The following XIRP2 variants were observed in gnomAD, a reference collection of about 807,000 sequenced individuals.
XIRP2 encodes xin actin binding repeat containing 2, also known as xin actin-binding repeat-containing protein 2.
XIRP2 carries 236 observed loss-of-function variants against 277.0 expected under a neutral mutation model. The observed-to-expected ratio is 0.85, with a 90% CI of 0.77 to 0.95. The LOEUF is 0.95. Among genes scored for constraint, XIRP2 ranks in the 40% least tolerant of loss-of-function variants. The pLI is 0.00. For missense variants in XIRP2, 4,640 were observed against 4,157.5 expected, an observed-to-expected ratio of 1.12 and a Z score of -3.19; for synonymous variants, 1,490 against 1,416.5, an observed-to-expected ratio of 1.05 and a Z score of -1.17.
intron 2 of XIRP2, among the ~76,000 whole-genome samples, chr2:166,966,077 C>T (rs1182728840): frequency 6.6e-6 from 1 of 151,720 alleles, no homozygotes; most frequent in Admixed American, 6.6e-5. Context: ...AATAAAATCC[C>T]ATATTTTCTT....
At chr2:167,254,316 G>GAAACACTATGGA in intron 10 of XIRP2, 151 bp downstream of exon 10, 1 of 1,011,372 alleles carries the variant, frequency 9.9e-7, no homozygotes, top group Non-Finnish European at 1.3e-6. Context: ...GTTCTGTGAT[G>GAAACACTATGGA]TATTTCTGCG....
At chr2:167,127,354 G>A (rs1162532084) in intron 2 of XIRP2, among the ~76,000 whole-genome samples, 1 of 152,146 alleles carries the variant, frequency 6.6e-6, no homozygotes, top group Non-Finnish European at 1.5e-5. Context: ...CTGGTCTAAT[G>A]AAATCAGTAC....
chr2:167,193,970 A>G (rs963440915), intron 3 of XIRP2, among the ~76,000 whole-genome samples: 5 of 152,070 alleles, frequency 3.3e-5, no homozygotes, highest in Admixed American at 1.3e-4. Flanking sequence ...AATTATAATA[A>G]TAATAGCACA....
intron 3 of XIRP2, among the ~76,000 whole-genome samples, chr2:167,198,072 T>G (rs1693569653): frequency 6.6e-6 from 1 of 152,202 alleles, no homozygotes; most frequent in African/African-American, 2.4e-5. Flanking sequence ...TGTCAAATTT[T>G]TAAAGATAAA....
At position 167,240,739 on chromosome 2, in the gene XIRP2, A is replaced by G; in HGVS notation, c.1042+3A>G. On this transcript the variant is annotated splice_donor_region_variant and intron_variant, in intron 7 of 10. Coordinates refer to ENST00000409195, the MANE Select transcript of XIRP2 (RefSeq NM_152381.6). ...TCATCAATATGTTCAAGAAACTGGTAAGAGTCTGGTATTATTGGTTCCAAT... is the reference window on the plus strand; with the variant it reads ...TCATCAATATGTTCAAGAAACTGGTGAGAGTCTGGTATTATTGGTTCCAAT... 1 of 1,612,912 alleles carries G rather than the reference A, an allele frequency of 6.2e-7. No homozygotes were observed. Among genetic ancestry groups the G allele is most frequent in the East Asian group, 2.2e-5 (1 of 44,806 alleles).
intron 2 of XIRP2, among the ~76,000 whole-genome samples, chr2:167,099,045 C>A: frequency 6.6e-6 from 1 of 152,196 alleles, no homozygotes; most frequent in Non-Finnish European, 1.5e-5. Flanking sequence ...GCTGGGAGAT[C>A]TGCTGCTCTC....
intron 3 of XIRP2, among the ~76,000 whole-genome samples, chr2:167,141,518 G>T (rs1292943581): frequency 6.6e-6 from 1 of 152,200 alleles, no homozygotes; most frequent in Admixed American, 6.5e-5. Context: ...TGGGAATGGT[G>T]CATGATGGAA....
chr2:167,257,846 C>T lies in XIRP2; in HGVS notation c.*40-11C>T, dbSNP rs780980593. On this transcript the variant is annotated splice_polypyrimidine_tract_variant and intron_variant, in intron 10 of 10. Transcript: ENST00000409195. ...ATACGAACTGCTAAGTGTTCTTTTT[C>T]TTTTTGGCAGTTTGGGAAATTATGC... is the stretch of plus-strand genomic sequence containing the variant. 1 of 1,577,260 alleles carries T rather than the reference C, an allele frequency of 6.3e-7. No homozygotes were observed. The highest frequency in any genetic ancestry group is 8.6e-7 in the Non-Finnish European group (1 of 1,165,972).
At chr2:167,017,651 C>A (rs558937179) in intron 2 of XIRP2, among the ~76,000 whole-genome samples, 2 of 151,932 alleles carry the variant, frequency 1.3e-5, no homozygotes, top group Non-Finnish European at 1.5e-5. Context: ...TGATGCCATT[C>A]CTGCTTCCAC....
At chr2:166,900,787 T>G (rs1017646899) in intron 1 of XIRP2, among the ~76,000 whole-genome samples, 1 of 152,040 alleles carries the variant, frequency 6.6e-6, no homozygotes, top group African/African-American at 2.4e-5. Flanking sequence ...TCAATACCAG[T>G]GGATGATGAA....
At chr2:167,103,527 T>A (rs749791404) in intron 2 of XIRP2, among the ~76,000 whole-genome samples, 9 of 152,134 alleles carry the variant, frequency 5.9e-5, no homozygotes, top group Non-Finnish European at 1.3e-4. Flanking sequence ...AGAGTCACCA[T>A]TGTTCCAGGA....
intron 3 of XIRP2, among the ~76,000 whole-genome samples, chr2:167,190,399 T>G (rs1205255674): frequency 6.6e-6 from 1 of 152,074 alleles, no homozygotes; most frequent in African/African-American, 2.4e-5. Flanking sequence ...CACTCCTGAC[T>G]GCCAAGAGTC....
rs753872788 is a variant in XIRP2, at chr2:167,246,959, C to T, written c.5567C>T (p.Thr1856Ile). ...CTCAGCCAGGCTGTAAATCAGAAAA[C>T]AGTGACGAAAACAGAAGAAATTATA... is the stretch of plus-strand genomic sequence containing the variant. The part of the protein sequence containing the change: ...NSLSQAVNQK[T>I]VTKTEEIIKG... The change falls in exon 9 of 11, where the codon ACA becomes ATA. Residue 1856 changes from threonine to isoleucine, a missense_variant. Physicochemically the swap from Thr to Ile is moderately conservative, Grantham distance 89 (BLOSUM62 -1). Coordinates refer to ENST00000409195, the MANE Select transcript of XIRP2 (RefSeq NM_152381.6). The T allele has an allele frequency of 2.5e-6, 4 of 1,613,306 alleles. No homozygotes were observed. Among genetic ancestry groups the T allele is most frequent in the Non-Finnish European group, 3.4e-6 (4 of 1,179,754 alleles).
intron 2 of XIRP2, among the ~76,000 whole-genome samples, chr2:166,988,817 C>A (rs1200240930): frequency 3.7e-5 from 2 of 53,454 alleles, no homozygotes; most frequent in African/African-American, 8.4e-5. Context: ...GGGTCCTACG[C>A]CCACGGAATC....
intron 2 of XIRP2, among the ~76,000 whole-genome samples, chr2:167,071,099 G>A (rs184583269): frequency 1.3e-5 from 2 of 152,164 alleles, no homozygotes; most frequent in African/African-American, 4.8e-5. Flanking sequence ...CCCAAAGCCC[G>A]TACACATAAT....
chr2:167,117,923 A>G (rs1217861839), intron 2 of XIRP2, among the ~76,000 whole-genome samples: 3 of 152,218 alleles, frequency 2.0e-5, no homozygotes, highest in African/African-American at 4.8e-5. Flanking sequence ...GTTGTCTCTT[A>G]TACCCTTTGT....
chr2:166,936,130 T>C (rs1042252826), intron 2 of XIRP2, among the ~76,000 whole-genome samples: 4 of 152,266 alleles, frequency 2.6e-5, no homozygotes, highest in East Asian at 1.9e-4. Flanking sequence ...GGTTGTCTCA[T>C]TGTAGTTTTA....
intron 2 of XIRP2, among the ~76,000 whole-genome samples, chr2:166,928,832 C>T (rs951808050): frequency 6.6e-6 from 1 of 152,082 alleles, no homozygotes; most frequent in African/African-American, 2.4e-5. Context: ...TCCCCACTGC[C>T]TATCAGGGTG....
At chr2:167,169,384 G>T (rs1692618938) in intron 3 of XIRP2, among the ~76,000 whole-genome samples, 1 of 152,132 alleles carries the variant, frequency 6.6e-6, no homozygotes, top group Admixed American at 6.5e-5. Context: ...AGTCCACACT[G>T]GACCTCCAAT....
Sources: allele counts gnomAD v4.1 joint callset (sites outside exome capture counted in the v4.1 genomes callset), GRCh38; gene constraint gnomAD v4.1.1; transcripts MANE v1.5; gene names NCBI Gene and HGNC (gene_info 2026-07-23, HGNC 2026-07-21).